Variants in SPTBN2 observed in about 807,000 individuals in gnomAD.
SPTBN2 encodes the protein spectrin beta, non-erythrocytic 2, also known as spectrin beta chain, non-erythrocytic 2.
A neutral mutation model predicts 284.2 loss-of-function variants in SPTBN2; 107 were observed. That is an observed-to-expected ratio of 0.38 (90% CI 0.32 to 0.44). The LOEUF is 0.44. SPTBN2 is among the 20% of genes least tolerant of loss of function. The pLI, the probability that SPTBN2 is intolerant of heterozygous loss-of-function variation, is 1.00. For synonymous variants in SPTBN2, 1,289 were observed against 1,354.8 expected, an observed-to-expected ratio of 0.95 and a Z score of 1.07; for missense variants, 2,569 against 3,287.1, an observed-to-expected ratio of 0.78 and a Z score of 5.34.
rs1254241788 is a variant in SPTBN2 at position 66,694,316 on chromosome 11, G to A, written c.4326C>T (p.Ile1442=). Residue 1442 remains isoleucine (I), a synonymous_variant, in exon 22 of 38, where the codon ATC becomes ATT. Transcript: ENST00000533211. ...GGGCCAGTGCTTTGGCCTGGGCCTG[G>A]ATTGCCTCCACCTCCTTCTCTCTCA... ...MAVREKEVEA[I]QAQAKALAQE... is the part of the protein sequence containing the mutation. 2 of 1,614,212 alleles carry A rather than the reference G, an allele frequency of 1.2e-6. No homozygotes were observed. The highest frequency in any genetic ancestry group is 4.5e-5 in the East Asian group (2 of 44,884).
chr11:66,689,224 G>A (rs750863253), intron 29 of SPTBN2, 44 bp from the exon 30 acceptor site: 1 of 1,574,772 alleles, frequency 6.4e-7, no homozygotes, highest in Non-Finnish European at 8.6e-7. Context: ...CAGGATGTGA[G>A]ATCTTTCCAC....
At chr11:66,686,639 CA>C (rs1363047421) in intron 36 of SPTBN2, 199 bp from the exon 37 acceptor site, 1 of 678,744 alleles carries the variant, frequency 1.5e-6, no homozygotes, top group Non-Finnish European at 2.5e-6. Context: ...GCCCCAGAGG[CA>C]GGGGGAGCTC....
intron 1 of SPTBN2, chr11:66,728,056 G>C (rs937066635): frequency 1.4e-5 from 2 of 148,062 alleles, no homozygotes; most frequent in African/African-American, 4.9e-5. Context: ...CCCGGCCGCC[G>C]GGACCCGACC....
chr11:66,725,825 C>T (rs1942601470), intron 1 of SPTBN2, among the ~76,000 whole-genome samples: 1 of 152,198 alleles, frequency 6.6e-6, no homozygotes. Flanking sequence ...GTTTTCCTCT[C>T]TTTCAGCTGA....
chr11:66,701,418 C>A, intron 16 of SPTBN2, 136 bp from the exon 17 acceptor site: 1 of 1,481,952 alleles, frequency 6.7e-7, no homozygotes. Flanking sequence ...CCACCTTGAC[C>A]CCCTCTCTCA....
intron 29 of SPTBN2, 100 bp downstream of exon 29, chr11:66,689,705 T>C: frequency 6.4e-7 from 1 of 1,563,122 alleles, no homozygotes; most frequent in Non-Finnish European, 8.7e-7. Context: ...GAATGAAAGG[T>C]TTCTTGCAAA....
At position 66,693,953 on chromosome 11, in the gene SPTBN2, C is replaced by T. The variant is rs1323308250; in HGVS notation, c.4504-92G>A. The T allele has an allele frequency of 3.6e-6, 5 of 1,376,078 alleles. No homozygotes were observed. The Admixed American group carries it at 7.7e-5, about 21-fold the overall frequency. 85.2% of individuals were successfully genotyped at this position (1,376,078 alleles called of 1,614,324 possible). ...GGAGTGGGGACACCTGGGGCTACCG[C>T]CCTGTGTGTGGGGAACAGTCATCTC... On this transcript the variant is annotated intron_variant, in intron 22 of 37. Transcript: ENST00000533211. This position sits in a 1 kb window ranked among gnomAD's most constrained non-coding sequence, Gnocchi z 5.7.
chr11:66,686,507 A>G, intron 36 of SPTBN2, 67 bp from the exon 37 acceptor site: 1 of 1,579,162 alleles, frequency 6.3e-7, no homozygotes, highest in Non-Finnish European at 8.7e-7. Flanking sequence ...TGCTGGTGAG[A>G]GCGTAATCAT....
intron 1 of SPTBN2, among the ~76,000 whole-genome samples, chr11:66,722,721 C>T (rs1942474195): frequency 6.6e-6 from 1 of 151,656 alleles, no homozygotes; most frequent in Non-Finnish European, 1.5e-5. Flanking sequence ...TGGTAAAACT[C>T]CATCTCTACT....
chr11:66,693,308 C>T lies in SPTBN2; in HGVS notation c.4732G>A (p.Glu1578Lys), dbSNP rs1486522879. 1.2e-6 allele frequency: 2 copies of T among 1,613,042 alleles called. No individual in the cohort carries two copies. Among genetic ancestry groups the T allele is most frequent in the Admixed American group, 3.3e-5 (2 of 60,032 alleles). ...EMWKRLGHEL[E>K]LRGKRLEDAL... is the part of the protein sequence containing the mutation. ...TCCTCCAGTCGCTTCCCTCGAAGTT[C>T]CAGCTCGTGGCCCAGGCGTTTCCAC... is the stretch of plus-strand genomic sequence containing the variant. Residue 1578 changes from glutamate to lysine, a missense_variant, in exon 24 of 38, where the codon GAA becomes AAA. Glu to Lys is a moderately conservative substitution (Grantham distance 56). Around this residue, in one of 6 missense-constraint regions of SPTBN2, gnomAD observed 1,130 missense variants for 1,317.3 expected, o/e 0.86. Transcript: ENST00000533211. This position sits in a 1 kb window ranked among gnomAD's most constrained non-coding sequence, Gnocchi z 5.7.
In SPTBN2 at chr11:66,682,711, G is replaced by A. The variant is rs1939867667; in HGVS notation, c.*3160C>T. ...CTGCTGTGGACAGCATGGACCTAAA[G>A]TCCACTCTTGTAGGTGATGTTAAGA... On this transcript the variant is annotated 3_prime_UTR_variant, in exon 38 of 38. Transcript: ENST00000533211. Among the ~76,000 whole-genome samples, 1 of 151,988 alleles carries A rather than the reference G, an allele frequency of 6.6e-6. No homozygotes were observed. The highest frequency in any genetic ancestry group is 2.4e-5 in the African/African-American group (1 of 41,376).
At chr11:66,695,269 T>A (rs184929138) in intron 21 of SPTBN2, among the ~76,000 whole-genome samples, 1 of 152,198 alleles carries the variant, frequency 6.6e-6, no homozygotes, top group Non-Finnish European at 1.5e-5. Flanking sequence ...TTTTAAAAAA[T>A]TTTTTGAGAC....
chr11:66,726,108 T>G (rs1942614195), intron 1 of SPTBN2, among the ~76,000 whole-genome samples: 1 of 152,330 alleles, frequency 6.6e-6, no homozygotes, highest in Middle Eastern at 3.4e-3. Flanking sequence ...CCAGACTCAG[T>G]ACAACAGATA....
At position 66,689,943 on chromosome 11, in the gene SPTBN2, C is replaced by G. The variant is rs764179242; in HGVS notation, c.5811G>C (p.Arg1937=). 6.2e-7 allele frequency: 1 copy of G among 1,614,094 alleles called. No homozygotes were observed. The highest frequency in any genetic ancestry group is 1.1e-5 in the South Asian group (1 of 91,078). The change falls in exon 29 of 38, where the codon CGG becomes CGC. Residue 1937 remains arginine (R), a splice_region_variant and synonymous_variant. Coordinates refer to ENST00000533211, the MANE Select transcript of SPTBN2 (RefSeq NM_006946.4). ...NLQMDAQERP[R]DVSSADLVIK... ...TGACTAGATCCGCGGAGGACACATC[C>G]CTGGGGGGAGGCAGAAACAGCATCA...
intron 1 of SPTBN2, among the ~76,000 whole-genome samples, chr11:66,727,718 G>A (rs1942671660): frequency 6.6e-6 from 1 of 152,044 alleles, no homozygotes; most frequent in African/African-American, 2.4e-5. Context: ...GAGGCGAGGA[G>A]GAGCCCACGC....
At chr11:66,725,389 GCCATCTCTAGATTC>G (rs1377560429) in intron 1 of SPTBN2, among the ~76,000 whole-genome samples, 1 of 152,170 alleles carries the variant, frequency 6.6e-6, no homozygotes, top group Non-Finnish European at 1.5e-5. Context: ...GTCCCCTGCT[GCCATCTCTAGATTC>G]CCACTGATTT....
rs776183163 is a variant in SPTBN2 at position 66,714,105 on chromosome 11, G to A, written c.642C>T (p.Ile214=). 6.8e-6 allele frequency: 11 copies of A among 1,614,222 alleles called. No individual in the cohort carries two copies. Among genetic ancestry groups the A allele is most frequent in the East Asian group, 2.2e-5 (1 of 44,892 alleles). The change falls in exon 7 of 38, where the codon ATC becomes ATT. Residue 214 remains isoleucine, a synonymous_variant. Coordinates refer to ENST00000533211, the MANE Select transcript of SPTBN2 (RefSeq NM_006946.4). ...SWRDGLAFNA[I]VHKHRPDLLD... is the part of the protein sequence containing the mutation. ...CATCTTCTCACCGGTGTTTATGCAC[G>A]ATGGCGTTGAAAGCTAGTCCATCTC...
In SPTBN2 at chr11:66,705,679, C is replaced by T; in HGVS notation, c.1807+5G>A. 6.2e-7 allele frequency: 1 copy of T among 1,611,166 alleles called. No individual in the cohort carries two copies. The highest frequency in any genetic ancestry group is 1.1e-5 in the South Asian group (1 of 91,088). ...CCCTCTCCAGTGCCTTCGCTGACTTCTCACCTTTCCCTGGGTTGCAGAAGC... is the reference window on the plus strand; with the variant it reads ...CCCTCTCCAGTGCCTTCGCTGACTTTTCACCTTTCCCTGGGTTGCAGAAGC... On this transcript the variant is annotated splice_donor_5th_base_variant and intron_variant, in intron 14 of 37. Coordinates refer to ENST00000533211, the MANE Select transcript of SPTBN2 (RefSeq NM_006946.4).
chr11:66,690,112 A>G lies in SPTBN2; in HGVS notation c.5737T>C (p.Phe1913Leu). ...LLDTTDKFRFFKAVRELMLWM... is the reference protein window; with the variant it reads ...LLDTTDKFRFLKAVRELMLWM... Reference sequence around the variant, plus strand: ...AGCATCAGTTCCCGGACAGCCTTGAAGAAGCGGAACTTGTCTGTGGTGTCC... The same window carrying G: ...AGCATCAGTTCCCGGACAGCCTTGAGGAAGCGGAACTTGTCTGTGGTGTCC... The change falls in exon 28 of 38, where the codon TTC (phenylalanine) becomes CTC (leucine). Residue 1913 changes from phenylalanine (F) to leucine (L), a missense_variant. This residue lies in a region of SPTBN2 where 1,130 missense variants were observed against 1,317.3 expected (regional missense o/e 0.86). Coordinates refer to ENST00000533211, the MANE Select transcript of SPTBN2 (RefSeq NM_006946.4). The G allele has an allele frequency of 1.2e-6, 2 of 1,614,246 alleles. No homozygotes were observed. The highest frequency in any genetic ancestry group is 1.6e-4 in the Middle Eastern group (1 of 6,062).
Sources: gnomAD v4.1 joint callset for allele counts (sites outside exome capture counted in the v4.1 genomes callset) on GRCh38, gnomAD v4.1.1 for gene constraint, gnomAD v4.1.1 regional missense constraint, Gnocchi (gnomAD v3.1) non-coding constraint, MANE v1.5 for transcripts, NCBI Gene and HGNC (gene_info 2026-07-23, HGNC 2026-07-21) for gene names.